SPATA18: variants seen among roughly 807,000 people sequenced by gnomAD.
SPATA18 encodes the protein spermatogenesis associated 18, also known as mitochondria-eating protein.
SPATA18 carries 54 observed loss-of-function variants against 68.1 expected under a neutral mutation model. The observed-to-expected ratio is 0.79, with a 90% CI of 0.64 to 0.99. The LOEUF is 0.99. Ranked by LOEUF, SPATA18 falls within the 50% of genes least tolerant of loss-of-function variation. SPATA18 has a pLI of 0.00. For missense variants in SPATA18, 724 were observed against 681.1 expected (o/e 1.06, Z -0.70); for synonymous variants, 242 against 244.8 (o/e 0.99, Z 0.11).
At chr4:52,085,740 AC>A (rs1222802646) in intron 11 of SPATA18, among the ~76,000 whole-genome samples, 1 of 151,944 alleles carries the variant, frequency 6.6e-6, no homozygotes, top group Non-Finnish European at 1.5e-5. Flanking sequence ...TCTGGGTATA[AC>A]AAAAAATTCC....
At chr4:52,053,691 T>C (rs1738092798) in intron 1 of SPATA18, among the ~76,000 whole-genome samples, 1 of 152,332 alleles carries the variant, frequency 6.6e-6, no homozygotes, top group African/African-American at 2.4e-5. Flanking sequence ...TTCATCATTA[T>C]ATACTCCACT....
intron 3 of SPATA18, among the ~76,000 whole-genome samples, chr4:52,061,487 AAATAATAATAATAATAAT>A (rs3050629): frequency 7.0e-6 from 1 of 143,538 alleles, no homozygotes; most frequent in East Asian, 2.0e-4. Context: ...CCTAAAGTAA[AAATAATAATAATAATAAT>A]AATAATAATA....
At chr4:52,087,226 A>G (rs1160208214) in intron 11 of SPATA18, among the ~76,000 whole-genome samples, 1 of 152,210 alleles carries the variant, frequency 6.6e-6, no homozygotes, top group African/African-American at 2.4e-5. Context: ...TTGCCTGTTC[A>G]TTCTAATGAC....
chr4:52,067,742 T>C (rs182626149), intron 4 of SPATA18, among the ~76,000 whole-genome samples: 1 of 152,308 alleles, frequency 6.6e-6, no homozygotes, highest in East Asian at 1.9e-4. Context: ...TGAGAAAAGT[T>C]AGAGAGTGAA....
At chr4:52,094,801 C>A in intron 12 of SPATA18, 79 bp from the exon 13 acceptor site, 1 of 1,570,684 alleles carries the variant, frequency 6.4e-7, no homozygotes, top group Non-Finnish European at 8.8e-7. Flanking sequence ...CTAGATTAAC[C>A]GCCTCTTTCA....
At chr4:52,070,608 A>G (rs562812693) in intron 5 of SPATA18, among the ~76,000 whole-genome samples, 176 of 152,196 alleles carry the variant, frequency 1.2e-3, no homozygotes, top group Admixed American at 3.8e-3. Context: ...TGGGTGCAGC[A>G]CACCAACATG....
At chr4:52,067,964 G>A (rs780665719) in intron 4 of SPATA18, among the ~76,000 whole-genome samples, 36 of 152,208 alleles carry the variant, frequency 2.4e-4, no homozygotes, top group Non-Finnish European at 4.1e-4. Context: ...TAAATAGAAC[G>A]TCAGCCTGAT....
chr4:52,072,408 T>C (rs574293926), intron 6 of SPATA18, among the ~76,000 whole-genome samples: 65 of 152,174 alleles, frequency 4.3e-4, no homozygotes, highest in Non-Finnish European at 7.1e-4. Context: ...AAAGTTCTTT[T>C]TTTTTTCTTT....
At chr4:52,075,065 G>A (rs959150741) in intron 6 of SPATA18, among the ~76,000 whole-genome samples, 3 of 152,146 alleles carry the variant, frequency 2.0e-5, no homozygotes, top group Non-Finnish European at 2.9e-5. Flanking sequence ...CCCTTGTCAG[G>A]TATGTTGGTG....
chr4:52,082,641 C>G, intron 10 of SPATA18, 131 bp downstream of exon 10: 1 of 1,565,150 alleles, frequency 6.4e-7, no homozygotes, highest in Non-Finnish European at 8.7e-7. Flanking sequence ...AAGGAGAGGT[C>G]GGAGATGATC....
chr4:52,067,951 A>G (rs1739452092), intron 4 of SPATA18, among the ~76,000 whole-genome samples: 1 of 152,230 alleles, frequency 6.6e-6, no homozygotes, highest in Non-Finnish European at 1.5e-5. Context: ...GCAACAAAAC[A>G]TTTAAATAGA....
Position 52,081,910 on chromosome 4 carries a change from T to C in SPATA18, c.1356-477T>C, listed in dbSNP as rs748208861. Among the ~76,000 whole-genome samples the C allele has an allele frequency of 2.2e-4, 3 of 13,894 alleles. No homozygotes were observed. The Non-Finnish European group carries it at 0.012, about 56-fold the overall frequency. The allele number at this position is 13,894 out of a possible 152,430, so 9.1% of individuals were successfully genotyped here. On this transcript the variant is annotated intron_variant, in intron 9 of 12. Coordinates refer to ENST00000295213, the MANE Select transcript of SPATA18 (RefSeq NM_145263.4). ...CATTCATAAACATGATGACTTATCA[T>C]GGGATTGAGAGAGAGCCCTCAGCAT...
At chr4:52,089,769 G>A (rs769059344) in intron 11 of SPATA18, among the ~76,000 whole-genome samples, 2 of 152,160 alleles carry the variant, frequency 1.3e-5, no homozygotes, top group Non-Finnish European at 2.9e-5. Flanking sequence ...GTTGATTTGG[G>A]GTGGAGAGTT....
intron 6 of SPATA18, among the ~76,000 whole-genome samples, chr4:52,075,695 A>G (rs1206132097): frequency 1.3e-5 from 2 of 152,184 alleles, no homozygotes; most frequent in Non-Finnish European, 2.9e-5. Context: ...TTCTTCCAAC[A>G]AAAAAGAGAT....
chr4:52,092,575 T>C (rs1248468604), intron 11 of SPATA18, among the ~76,000 whole-genome samples: 1 of 152,202 alleles, frequency 6.6e-6, no homozygotes, highest in Non-Finnish European at 1.5e-5. Context: ...TGAACTGGGT[T>C]CCTCAGTTGG....
At position 52,079,765 on chromosome 4, in the gene SPATA18, G is replaced by A; in HGVS notation, c.1201G>A (p.Val401Ile). The change falls in exon 9 of 13, where the codon GTC (valine) becomes ATC (isoleucine). Residue 401 changes from valine to isoleucine, a missense_variant. Val to Ile is a conservative substitution (Grantham distance 29, BLOSUM62 3). Transcript: ENST00000295213. ...SVNDVIRAMN[V>I]NPKISFPPVV... ...TCAGGATGTGATCCGAGCCATGAAT[G>A]TCAATCCCAAGATTTCATTCCCTCC... 1 of 1,613,902 alleles carries A rather than the reference G, an allele frequency of 6.2e-7. No individual in the cohort carries two copies. The highest frequency in any genetic ancestry group is 8.5e-7 in the Non-Finnish European group (1 of 1,179,868).
chr4:52,068,675 C>T (rs1395068158), intron 4 of SPATA18, among the ~76,000 whole-genome samples: 1 of 152,182 alleles, frequency 6.6e-6, no homozygotes, highest in Non-Finnish European at 1.5e-5. Flanking sequence ...TTCCACTGTT[C>T]TACCATCTAG....
Position 52,062,208 on chromosome 4 carries a change from G to GTT in SPATA18, c.310-11_310-10insTT. The stretch of plus-strand genomic sequence containing the variant: ...ACTGTTTTTTTTTTTTTTTTTTGGT[G>GTT]TATCTTTCCAGGACACGTTTGATAG... On this transcript the variant is annotated splice_polypyrimidine_tract_variant and intron_variant, in intron 3 of 12. Coordinates refer to ENST00000295213, the MANE Select transcript of SPATA18 (RefSeq NM_145263.4). 1 of 901,858 alleles carries GTT rather than the reference G, an allele frequency of 1.1e-6. No homozygotes were observed. The highest frequency in any genetic ancestry group is 3.0e-5 in the East Asian group (1 of 33,064). 55.9% of individuals were successfully genotyped at this position (901,858 alleles called of 1,614,324 possible). A position where few individuals can be genotyped will look rare whatever the true frequency, so the allele number is the denominator to read the frequency against.
rs1256642253 is a variant in SPATA18, at chr4:52,072,027, A to C, written c.629A>C (p.Gln210Pro). The change falls in exon 6 of 13, where the codon CAG becomes CCG. Residue 210 changes from glutamine to proline, a missense_variant. Physicochemically the swap from Gln to Pro is moderately conservative, Grantham distance 76 (BLOSUM62 -1). Coordinates refer to ENST00000295213, the MANE Select transcript of SPATA18 (RefSeq NM_145263.4). ...AGCTTGGAGGAGCGGAAGCGTGAGCAGTGGAACTCACTCAAGCAGAATGCA... is the reference window on the plus strand; with the variant it reads ...AGCTTGGAGGAGCGGAAGCGTGAGCCGTGGAACTCACTCAAGCAGAATGCA... ...PWSLEERKRE[Q>P]WNSLKQNADQ... 1 of 1,613,996 alleles carries C rather than the reference A, an allele frequency of 6.2e-7. No homozygotes were observed. Among genetic ancestry groups the C allele is most frequent in the Admixed American group, 1.7e-5 (1 of 59,994 alleles).
Sources: allele counts gnomAD v4.1 joint callset (sites outside exome capture counted in the v4.1 genomes callset), GRCh38; gene constraint gnomAD v4.1.1; transcripts MANE v1.5; gene names NCBI Gene and HGNC (gene_info 2026-07-23, HGNC 2026-07-21).